CLSTN2: variants seen among roughly 807,000 people sequenced by gnomAD.
CLSTN2 encodes the protein calsyntenin-2.
In CLSTN2, 48 loss-of-function variants were observed where a neutral mutation model predicts 101.2. The ratio of observed to expected loss-of-function variants is 0.47; its 90% CI spans 0.38 to 0.60. CLSTN2 has a LOEUF of 0.60. CLSTN2 is among the 20% of genes least tolerant of loss of function. The pLI is 0.00. For synonymous variants in CLSTN2, 481 were observed against 463.6 expected (o/e 1.04, Z -0.48); for missense variants, 1,160 against 1,238.2 (o/e 0.94, Z 0.95).
At chr3:140,146,278 A>C (rs1482473030) in intron 1 of CLSTN2, among the ~76,000 whole-genome samples, 4 of 152,250 alleles carry the variant, frequency 2.6e-5, no homozygotes, top group Admixed American at 2.0e-4. Context: ...TGAACACACA[A>C]TAAGGGAGGA....
chr3:140,489,423 A>G (rs907456642), intron 8 of CLSTN2, among the ~76,000 whole-genome samples: 37 of 152,170 alleles, frequency 2.4e-4, no homozygotes, highest in Non-Finnish European at 2.2e-4. Flanking sequence ...TCTGGGCCCT[A>G]TGGCAGTGAG....
At chr3:140,177,131 G>A (rs1330315345) in intron 2 of CLSTN2, among the ~76,000 whole-genome samples, 2 of 152,168 alleles carry the variant, frequency 1.3e-5, no homozygotes, top group Non-Finnish European at 2.9e-5. Flanking sequence ...CAAAGAGTGA[G>A]GGAGATACTC....
At chr3:140,254,557 C>A (rs1035325679) in intron 2 of CLSTN2, among the ~76,000 whole-genome samples, 2 of 152,140 alleles carry the variant, frequency 1.3e-5, no homozygotes, top group African/African-American at 4.8e-5. Flanking sequence ...TCATCTCTGT[C>A]ATCTCTGTTA....
chr3:140,463,887 C>T (rs1451745599), intron 7 of CLSTN2, among the ~76,000 whole-genome samples: 2 of 152,142 alleles, frequency 1.3e-5, no homozygotes, highest in Non-Finnish European at 2.9e-5. Flanking sequence ...GAGGGGATTC[C>T]TGAGAGAAGG....
chr3:140,388,144 T>C (rs181727154), intron 2 of CLSTN2, among the ~76,000 whole-genome samples: 2 of 152,358 alleles, frequency 1.3e-5, no homozygotes, highest in Admixed American at 1.3e-4. Context: ...CTACAGGCTG[T>C]GTTGAGTCAT....
intron 5 of CLSTN2, among the ~76,000 whole-genome samples, chr3:140,434,965 G>T (rs2088671874): frequency 6.6e-6 from 1 of 151,768 alleles, no homozygotes; most frequent in Non-Finnish European, 1.5e-5. Context: ...ATATTTATGG[G>T]GTTCATGAGA....
At chr3:140,066,479 G>T (rs2008301831) in intron 1 of CLSTN2, among the ~76,000 whole-genome samples, 1 of 152,228 alleles carries the variant, frequency 6.6e-6, no homozygotes, top group South Asian at 2.1e-4. Flanking sequence ...TAACATTAAA[G>T]TCTGACTGAT....
At chr3:139,940,634 G>C (rs1467046511) in intron 1 of CLSTN2, among the ~76,000 whole-genome samples, 1 of 151,740 alleles carries the variant, frequency 6.6e-6, no homozygotes, top group African/African-American at 2.4e-5. Flanking sequence ...GTCTCTCTCT[G>C]CCTCTCTCTC....
chr3:140,135,117 CAT>C (rs66931848), intron 1 of CLSTN2, among the ~76,000 whole-genome samples: 941 of 57,954 alleles, frequency 0.016, 6 homozygotes, highest in Non-Finnish European at 0.02. Flanking sequence ...CACACACACA[CAT>C]ATATATATAT....
intron 2 of CLSTN2, among the ~76,000 whole-genome samples, chr3:140,354,850 C>T (rs2087651546): frequency 6.6e-6 from 1 of 152,244 alleles, no homozygotes; most frequent in Non-Finnish European, 1.5e-5. Context: ...GCCGGGTCAA[C>T]ATTTACCTTT....
chr3:140,442,930 C>T (rs1460736320), intron 5 of CLSTN2, among the ~76,000 whole-genome samples: 3 of 152,230 alleles, frequency 2.0e-5, no homozygotes, highest in Non-Finnish European at 4.4e-5. Flanking sequence ...CAAAGGTACC[C>T]TCCTAGCTTC....
chr3:140,170,219 T>C (rs1340957613), intron 1 of CLSTN2, among the ~76,000 whole-genome samples: 1 of 152,176 alleles, frequency 6.6e-6, no homozygotes, highest in East Asian at 1.9e-4. Flanking sequence ...ATTTGACCAC[T>C]AAAAAGAATA....
intron 1 of CLSTN2, among the ~76,000 whole-genome samples, chr3:140,053,847 A>C (rs1353655658): frequency 1.3e-5 from 2 of 152,186 alleles, no homozygotes; most frequent in Non-Finnish European, 2.9e-5. Context: ...GGGTGATGTG[A>C]AGTGATTGGC....
At chr3:140,158,412 C>T (rs189258296) in intron 1 of CLSTN2, among the ~76,000 whole-genome samples, 1 of 146,382 alleles carries the variant, frequency 6.8e-6, no homozygotes, top group East Asian at 1.9e-4. Context: ...AACATTCAAG[C>T]TGAAAGTCAA....
At chr3:140,157,252 AG>A in intron 1 of CLSTN2, among the ~76,000 whole-genome samples, 1 of 152,204 alleles carries the variant, frequency 6.6e-6, no homozygotes. Context: ...TAGTCTCCAA[AG>A]AATTGGTTAG....
chr3:140,489,628 C>A (rs931132891), intron 8 of CLSTN2, among the ~76,000 whole-genome samples: 21 of 152,048 alleles, frequency 1.4e-4, no homozygotes, highest in African/African-American at 1.9e-4. Context: ...ACCCACCACA[C>A]CCCGGCCCAT....
intron 2 of CLSTN2, among the ~76,000 whole-genome samples, chr3:140,243,820 A>G (rs2086491217): frequency 6.6e-6 from 1 of 152,222 alleles, no homozygotes; most frequent in Admixed American, 6.5e-5. Context: ...AAACACATGA[A>G]TATCTAAGAA....
At chr3:139,939,497 C>A (rs969521428) in intron 1 of CLSTN2, among the ~76,000 whole-genome samples, 1 of 152,184 alleles carries the variant, frequency 6.6e-6, no homozygotes, top group Admixed American at 6.5e-5. Flanking sequence ...GAGCTGTTTG[C>A]ATCTTTGAGT....
chr3:140,199,170 A>G (rs947475053), intron 2 of CLSTN2, among the ~76,000 whole-genome samples: 3 of 152,222 alleles, frequency 2.0e-5, no homozygotes, highest in African/African-American at 2.4e-5. Context: ...TCTTGTAAGT[A>G]CGCAGAATAT....
Sources: gnomAD v4.1 joint callset for allele counts (sites outside exome capture counted in the v4.1 genomes callset) on GRCh38, gnomAD v4.1.1 for gene constraint, MANE v1.5 for transcripts, NCBI Gene and HGNC (gene_info 2026-07-23, HGNC 2026-07-21) for gene names.